The following SPTBN5 variants were observed in gnomAD, a reference collection of about 807,000 sequenced individuals.
The protein encoded by SPTBN5 is spectrin beta chain, non-erythrocytic 5.
Under a neutral mutation model 477.6 loss-of-function variants are expected in SPTBN5, and 513 were observed. The observed-to-expected ratio is 1.07, with a 90% CI of 1.00 to 1.16. SPTBN5 has a LOEUF of 1.16. Ranked by LOEUF, SPTBN5 falls within the 50% of genes most tolerant of loss-of-function variation. The pLI, the probability that SPTBN5 is intolerant of heterozygous loss-of-function variation, is 0.00. For synonymous variants in SPTBN5, 2,169 were observed against 2,011.7 expected (o/e 1.08, Z -2.09); for missense variants, 5,062 against 4,731.8 (o/e 1.07, Z -2.05).
At position 41,886,519 on chromosome 15, in the gene SPTBN5, G is replaced by C. The variant is rs186964458; in HGVS notation, c.889-153C>G. On this transcript the variant is annotated intron_variant, in intron 6 of 67. Coordinates refer to ENST00000320955, the MANE Select transcript of SPTBN5 (RefSeq NM_016642.4). ...GTGGTACCCCCACCCCAGAGAACTG[G>C]GTTTGCTTGGATTGCACACTCAGAC... 1.6e-3 allele frequency among the ~76,000 whole-genome samples: 240 copies of C among 152,290 alleles called. 2 individuals carry two copies. Among genetic ancestry groups the C allele is most frequent in the Non-Finnish European group, 1.1e-3 (78 of 68,014 alleles).
chr15:41,868,264 G>T, intron 33 of SPTBN5, 46 bp from the exon 34 acceptor site: 1 of 1,571,666 alleles, frequency 6.4e-7, no homozygotes. Flanking sequence ...GGGTGGTGTG[G>T]GTGAGGTGAG....
Position 41,881,968 on chromosome 15 carries a change from G to T in SPTBN5, c.2425C>A (p.Arg809=), listed in dbSNP as rs745538622. Residue 809 remains arginine, a synonymous_variant, in exon 12 of 68, where the codon CGG becomes AGG. Coordinates refer to ENST00000320955, the MANE Select transcript of SPTBN5 (RefSeq NM_016642.4). ...AELRRLEEQG[R]AASARASLFT... ...AACGACGCCCGGGCCGAGGCCGCCC[G>T]CCCCTGCTCCTCCAGCCGCCGCAGC... is the stretch of plus-strand genomic sequence containing the variant. The T allele has an allele frequency of 1.8e-5, 28 of 1,531,052 alleles. No individual in the cohort carries two copies. In the South Asian group the frequency reaches 3.0e-4, roughly 16 times the overall value. The allele number at this position is 1,531,052 out of a possible 1,614,324, so 94.8% of individuals were successfully genotyped here.
intron 60 of SPTBN5, 43 bp downstream of exon 60, chr15:41,852,781 C>CG: frequency 6.4e-7 from 1 of 1,560,320 alleles, no homozygotes; most frequent in Middle Eastern, 1.7e-4. Context: ...GGGGGGGGGG[C>CG]CCAGAGCCTG....
chr15:41,854,271 A>T, intron 56 of SPTBN5, 66 bp from the exon 57 acceptor site: 1 of 1,528,726 alleles, frequency 6.5e-7, no homozygotes, highest in Non-Finnish European at 8.8e-7. Flanking sequence ...CTCCCTGGAG[A>T]CATGGCCTTC....
Position 41,887,197 on chromosome 15 carries a change from C to G in SPTBN5, c.888+16G>C. 1.3e-6 allele frequency: 2 copies of G among 1,550,220 alleles called. No homozygotes were observed. Among genetic ancestry groups the G allele is most frequent in the Non-Finnish European group, 1.7e-6 (2 of 1,145,858 alleles). ...TCTGGAGCCCTTGCTCACCCCACCC[C>G]TCCTTTCTCCCCCACCTTAGTGAGT... On this transcript the variant is annotated intron_variant, in intron 6 of 67. Transcript: ENST00000320955.
chr15:41,848,823 G>A (rs111879130), intron 67 of SPTBN5, among the ~76,000 whole-genome samples, 195 bp from the exon 68 acceptor site: 75 of 152,240 alleles, frequency 4.9e-4, no homozygotes, highest in Admixed American at 1.2e-3. Flanking sequence ...GAGTTGCCTC[G>A]ACTTTCATAA....
chr15:41,852,288 T>C lies in SPTBN5; in HGVS notation c.10478A>G (p.Gln3493Arg). ...GCCAGCTCTCCCGGGCTTCAGCTCC[T>C]GTGGCTGCAGCAGGAGCTCCTGTTC... ...EMEQELLLQP[Q>R]ELKPGRAGSS... The change falls in exon 62 of 68, where the codon CAG (glutamine) becomes CGG (arginine). Residue 3493 changes from glutamine to arginine, a missense_variant. Coordinates refer to ENST00000320955, the MANE Select transcript of SPTBN5 (RefSeq NM_016642.4). The C allele has an allele frequency of 6.3e-7, 1 of 1,598,522 alleles. No individual in the cohort carries two copies. Among genetic ancestry groups the C allele is most frequent in the Non-Finnish European group, 8.5e-7 (1 of 1,172,532 alleles).
chr15:41,862,744 C>T, intron 42 of SPTBN5, 46 bp downstream of exon 42: 1 of 1,546,064 alleles, frequency 6.5e-7, no homozygotes, highest in Non-Finnish European at 8.7e-7. Context: ...GCCCAGGGTC[C>T]TACTCAGGAG....
chr15:41,882,064 G>C lies in SPTBN5; in HGVS notation c.2329C>G (p.Gln777Glu), dbSNP rs1439339549. ...CTCAGCAGGGTCTCGGCGGCCGCCTGGTCCTGACCGCAGGACGCTCTCTCC... is the reference window on the plus strand; with the variant it reads ...CTCAGCAGGGTCTCGGCGGCCGCCTCGTCCTGACCGCAGGACGCTCTCTCC... ...SLERASCGQD[Q>E]AAAETLLRRH... is the part of the protein sequence containing the mutation. The change falls in exon 12 of 68, where the codon CAG (glutamine) becomes GAG (glutamate). Residue 777 changes from glutamine (Q) to glutamate (E), a missense_variant. Transcript: ENST00000320955. 26 of 1,565,356 alleles carry C rather than the reference G, an allele frequency of 1.7e-5. No homozygotes were observed. The highest frequency in any genetic ancestry group is 2.2e-5 in the Non-Finnish European group (26 of 1,167,352).
Position 41,866,169 on chromosome 15 carries a change from G to A in SPTBN5, c.6691C>T (p.Gln2231Ter). The A allele has an allele frequency of 6.4e-7, 1 of 1,569,378 alleles. No individual in the cohort carries two copies. The highest frequency in any genetic ancestry group is 1.3e-5 in the African/African-American group (1 of 74,114). Residue 2231 changes from glutamine to a stop codon, truncating the protein, a stop_gained, in exon 38 of 68, where the codon CAG becomes TAG. Coordinates refer to ENST00000320955, the MANE Select transcript of SPTBN5 (RefSeq NM_016642.4). LOFTEE classifies it high-confidence loss of function. Reference sequence around the variant, plus strand: ...TCCTCCCAGTGCTTCCGCAGGCCCTGCAGCCGCTGGGAGACCTCTCCGGCT... The same window carrying A: ...TCCTCCCAGTGCTTCCGCAGGCCCTACAGCCGCTGGGAGACCTCTCCGGCT... ...PRAGEVSQRL[Q>*]GLRKHWEDLR...
At chr15:41,889,192 T>A (rs1447047825) in intron 4 of SPTBN5, among the ~76,000 whole-genome samples, 1 of 152,160 alleles carries the variant, frequency 6.6e-6, no homozygotes, top group Non-Finnish European at 1.5e-5. Flanking sequence ...TAGAAATTCA[T>A]CCGTCCCTTC....
chr15:41,870,677 G>T, intron 29 of SPTBN5, 117 bp from the exon 30 acceptor site: 1 of 815,424 alleles, frequency 1.2e-6, no homozygotes, highest in Non-Finnish European at 1.9e-6. Context: ...CTTGCCCAAA[G>T]CTCCTCCTTC....
At chr15:41,860,446 C>A (rs1376721075) in intron 47 of SPTBN5, 140 bp downstream of exon 47, 1 of 924,850 alleles carries the variant, frequency 1.1e-6, no homozygotes, top group Non-Finnish European at 1.5e-6. Context: ...GTGGTGGGGA[C>A]CCCCGGCATC....
chr15:41,852,914 G>C lies in SPTBN5; in HGVS notation c.10257C>G (p.Ser3419Arg). The change falls in exon 60 of 68, where the codon AGC becomes AGG. Residue 3419 changes from serine to arginine, a missense_variant. By Grantham distance (110) the Ser-to-Arg change is moderately radical. Transcript: ENST00000320955. ...WALRWQRCAE[S>R]WGLQKLRQRL... ...TCTGCCGAAGCTTCTGCAGGCCCCAGCTCTCGGCACAGCGTTGCCAGCGCA... is the reference window on the plus strand; with the variant it reads ...TCTGCCGAAGCTTCTGCAGGCCCCACCTCTCGGCACAGCGTTGCCAGCGCA... 1 of 1,603,272 alleles carries C rather than the reference G, an allele frequency of 6.2e-7. No individual in the cohort carries two copies. Among genetic ancestry groups the C allele is most frequent in the South Asian group, 1.1e-5 (1 of 90,358 alleles).
rs746539918 is a variant in SPTBN5 at position 41,850,875 on chromosome 15, G to A, written c.10900C>T (p.Arg3634Ter). The A allele has an allele frequency of 2.2e-5, 36 of 1,601,182 alleles. No homozygotes were observed. The highest frequency in any genetic ancestry group is 4.5e-5 in the East Asian group (2 of 44,210). ...PSEEQAESWWRALGSTAAQSL... is the reference protein window; with the variant it reads ...PSEEQAESWW ...CCACCTGCAGTGCTGCCCAGGGCTC[G>A]CCACCAGCTCTCAGCCTGCTCTTCG... The change falls in exon 66 of 68, where the codon CGA becomes TGA. Residue 3634 changes from arginine to a stop codon, truncating the protein, a stop_gained. Transcript: ENST00000320955. LOFTEE classifies it high-confidence loss of function.
chr15:41,877,064 C>T, intron 18 of SPTBN5, 52 bp downstream of exon 18: 1 of 1,607,624 alleles, frequency 6.2e-7, no homozygotes, highest in Admixed American at 1.7e-5. Flanking sequence ...AGGGGATGAG[C>T]TCCCTCCAGT....
At chr15:41,880,967 G>T in intron 13 of SPTBN5, 67 bp downstream of exon 13, 1 of 1,385,036 alleles carries the variant, frequency 7.2e-7, no homozygotes, top group Non-Finnish European at 9.9e-7. Context: ...TTGTCCCCTG[G>T]GATCACTGCA....
intron 66 of SPTBN5, 141 bp from the exon 67 acceptor site, chr15:41,850,100 G>T: frequency 1.4e-6 from 1 of 713,938 alleles, no homozygotes; most frequent in South Asian, 1.6e-5. Flanking sequence ...CCACGTGGGG[G>T]TGTGGGGCGG....
chr15:41,872,204 G>A, intron 27 of SPTBN5, 98 bp downstream of exon 27: 1 of 1,434,674 alleles, frequency 7.0e-7, no homozygotes. Flanking sequence ...ACAGCCTGGG[G>A]TCATGGGTTC....
Sources: allele counts gnomAD v4.1 joint callset (sites outside exome capture counted in the v4.1 genomes callset), GRCh38; gene constraint gnomAD v4.1.1; transcripts MANE v1.5; gene names NCBI Gene and HGNC (gene_info 2026-07-23, HGNC 2026-07-21).